NPIPB11: variants seen among roughly 807,000 people sequenced by gnomAD.
NPIPB11 encodes the protein nuclear pore complex interacting protein family member B11, also known as nuclear pore complex-interacting protein family member B11.
NPIPB11 carries 17 observed loss-of-function variants against 32.8 expected under a neutral mutation model. The observed-to-expected ratio is 0.52, with a 90% CI of 0.35 to 0.78. The LOEUF is 0.78. Ranked by LOEUF, NPIPB11 falls within the 30% of genes least tolerant of loss-of-function variation. NPIPB11 has a pLI of 0.01. For missense variants in NPIPB11, 537 were observed against 1,000.4 expected, an observed-to-expected ratio of 0.54 and a Z score of 6.25; for synonymous variants, 209 against 398.4, an observed-to-expected ratio of 0.52 and a Z score of 5.66.
At chr16:29,397,345 A>G (rs1276908453) in intron 2 of NPIPB11, among the ~76,000 whole-genome samples, 1 of 151,562 alleles carries the variant, frequency 6.6e-6, no homozygotes, top group Non-Finnish European at 1.5e-5. Context: ...TAACTGGGAT[A>G]ACAGGTACGC....
chr16:29,394,509 A>G (rs1014924531), intron 2 of NPIPB11, among the ~76,000 whole-genome samples: 6 of 148,432 alleles, frequency 4.0e-5, no homozygotes, highest in East Asian at 2.0e-4. Flanking sequence ...ATCTTGGCTC[A>G]CTACAACCTC....
intron 2 of NPIPB11, among the ~76,000 whole-genome samples, chr16:29,402,722 CTCTGTGTGTGTGTGTGTG>C (rs1456508088): frequency 2.6e-5 from 3 of 113,746 alleles, no homozygotes; most frequent in East Asian, 2.8e-4. Context: ...CTCTCTCTCT[CTCTGTGTGTGTGTGTGTG>C]TGTGTGTGTG....
chr16:29,389,891 T>G, intron 5 of NPIPB11, 50 bp downstream of exon 5: 1 of 1,569,044 alleles, frequency 6.4e-7, no homozygotes, highest in Non-Finnish European at 8.6e-7. Flanking sequence ...TTGTCTACTT[T>G]GATTGGCACA....
intron 2 of NPIPB11, among the ~76,000 whole-genome samples, chr16:29,397,925 T>G: frequency 1.1e-5 from 1 of 87,902 alleles, no homozygotes. Context: ...TAGCTACAGG[T>G]CACGGAGAAG....
chr16:29,402,796 C>G, intron 2 of NPIPB11, among the ~76,000 whole-genome samples: 1 of 134,344 alleles, frequency 7.4e-6, no homozygotes, highest in East Asian at 2.5e-4. Context: ...AATAAAAGAT[C>G]ATTTTTGAGA....
At chr16:29,405,250 AT>A (rs1485996149), upstream of NPIPB11, among the ~76,000 whole-genome samples, 5 of 151,904 alleles carry the variant, frequency 3.3e-5, no homozygotes, top group Non-Finnish European at 1.5e-5. Flanking sequence ...TTGTAGGACA[AT>A]GTGACTTTTT....
At position 29,397,554 on chromosome 16, in the gene NPIPB11, C is replaced by T. The variant is rs1596681140; in HGVS notation, c.121-3478G>A. On this transcript the variant is annotated intron_variant, in intron 2 of 7. Coordinates refer to ENST00000524087, the Ensembl canonical transcript of NPIPB11. Reference sequence around the variant, plus strand: ...TAAAAAGGAAGAAACCCCGAGGGTCCAGCGTCTACTCACACGGATGCACTG... The same window carrying T: ...TAAAAAGGAAGAAACCCCGAGGGTCTAGCGTCTACTCACACGGATGCACTG... 2.6e-6 allele frequency: 4 copies of T among 1,527,342 alleles called. No homozygotes were observed. The East Asian group carries it at 7.5e-5, about 29-fold the overall frequency. 94.6% of individuals were successfully genotyped at this position (1,527,342 alleles called of 1,614,324 possible). A position where few individuals can be genotyped will look rare whatever the true frequency, so the allele number is the denominator to read the frequency against.
At chr16:29,395,961 G>A (rs934661903) in intron 2 of NPIPB11, among the ~76,000 whole-genome samples, 1 of 150,794 alleles carries the variant, frequency 6.6e-6, no homozygotes, top group African/African-American at 2.4e-5. Flanking sequence ...CTGGGTGACA[G>A]AGCGAGACTC....
upstream of NPIPB11, among the ~76,000 whole-genome samples, chr16:29,406,438 C>A (rs1345257522): frequency 6.6e-6 from 1 of 152,228 alleles, no homozygotes; most frequent in African/African-American, 2.4e-5. Context: ...TCATGAATGG[C>A]TGGGCACCGT....
chr16:29,401,314 C>T (rs948944441), intron 2 of NPIPB11, among the ~76,000 whole-genome samples: 2 of 152,104 alleles, frequency 1.3e-5, no homozygotes, highest in African/African-American at 2.4e-5. Context: ...TGTTCCCATC[C>T]TCAAAACTAT....
At chr16:29,406,486 G>A (rs972059904), upstream of NPIPB11, among the ~76,000 whole-genome samples, 1 of 152,202 alleles carries the variant, frequency 6.6e-6, no homozygotes, top group African/African-American at 2.4e-5. Context: ...GGGAGACAAA[G>A]GCAGGTGGAT....
intron 2 of NPIPB11, among the ~76,000 whole-genome samples, chr16:29,399,174 C>G (rs913974831): frequency 6.6e-6 from 1 of 152,114 alleles, no homozygotes; most frequent in Non-Finnish European, 1.5e-5. Flanking sequence ...CTGTCCATCA[C>G]CTTTCCTGGC....
At chr16:29,402,690 GA>G in intron 2 of NPIPB11, among the ~76,000 whole-genome samples, 1 of 140,426 alleles carries the variant, frequency 7.1e-6, no homozygotes, top group African/African-American at 2.7e-5. Context: ...GCGACAGAGT[GA>G]AACTCTGTCT....
chr16:29,383,875 G>C (rs780422393), exon 8 of NPIPB11: 13 of 1,157,512 alleles, frequency 1.1e-5, no homozygotes, highest in Non-Finnish European at 1.3e-5. Context: ...GTGAGCTGAC[G>C]CTCGGAAGGT....
upstream of NPIPB11, among the ~76,000 whole-genome samples, chr16:29,405,579 G>A (rs565892707): frequency 2.8e-4 from 43 of 152,192 alleles, 1 homozygote; most frequent in South Asian, 6.2e-4. Flanking sequence ...ACTGAGTCTC[G>A]GAATGATGAA....
At chr16:29,406,342 T>C (rs947676162), upstream of NPIPB11, among the ~76,000 whole-genome samples, 2 of 152,292 alleles carry the variant, frequency 1.3e-5, no homozygotes, top group African/African-American at 4.8e-5. Flanking sequence ...GTTCCAAAAA[T>C]TGCATACATT....
chr16:29,395,977 CAAA>C (rs1242538188), intron 2 of NPIPB11, among the ~76,000 whole-genome samples: 1 of 95,918 alleles, frequency 1.0e-5, no homozygotes. Context: ...GACTCTGTCT[CAAA>C]AAAAAAAAAA....
At chr16:29,399,317 G>A (rs1364115129) in intron 2 of NPIPB11, among the ~76,000 whole-genome samples, 1 of 150,314 alleles carries the variant, frequency 6.7e-6, no homozygotes, top group African/African-American at 2.5e-5. Context: ...TAAGGTTATT[G>A]TAAACAGGAA....
chr16:29,403,105 T>A (rs1964036866), intron 2 of NPIPB11, among the ~76,000 whole-genome samples: 1 of 144,178 alleles, frequency 6.9e-6, no homozygotes, highest in Admixed American at 7.1e-5. Flanking sequence ...TTTGACAGAG[T>A]CTCGCTCTGT....
Sources: allele counts gnomAD v4.1 joint callset (sites outside exome capture counted in the v4.1 genomes callset), GRCh38; gene constraint gnomAD v4.1.1; transcripts MANE v1.5; gene names NCBI Gene and HGNC (gene_info 2026-07-23, HGNC 2026-07-21).